COL5A1: variants seen among roughly 807,000 people sequenced by gnomAD.
COL5A1 encodes the protein collagen alpha-1(V) chain.
In COL5A1, 16 loss-of-function variants were observed where a neutral mutation model predicts 263.7. The ratio of observed to expected loss-of-function variants is 0.06; its 90% CI spans 0.04 to 0.09. COL5A1 has a LOEUF of 0.09. Ranked by LOEUF, COL5A1 falls within the 10% of genes least tolerant of loss-of-function variation. The probability of loss-of-function intolerance (pLI) is 1.00; values close to 1 mark genes in which losing one functional copy is unlikely to be tolerated. For missense variants in COL5A1, 2,036 were observed against 2,540.5 expected, an observed-to-expected ratio of 0.80 and a Z score of 4.27; for synonymous variants, 1,012 against 1,004.5, an observed-to-expected ratio of 1.01 and a Z score of -0.14.
At chr9:134,816,849 G>A (rs781607492) in intron 52 of COL5A1, among the ~76,000 whole-genome samples, 177 bp from the exon 53 acceptor site, 15 of 152,214 alleles carry the variant, frequency 9.9e-5, no homozygotes, top group Non-Finnish European at 1.6e-4. Context: ...GGTTCCTTAC[G>A]CTGTCACAGC....
chr9:134,811,014 G>A (rs1564474605), intron 44 of COL5A1, among the ~76,000 whole-genome samples: 1 of 152,206 alleles, frequency 6.6e-6, no homozygotes, highest in Non-Finnish European at 1.5e-5. Flanking sequence ...AGGAGCTTGT[G>A]ATCCTGGACC....
chr9:134,677,485 A>G lies in COL5A1; in HGVS notation c.110-13427A>G, dbSNP rs1588427807. ...CCAGTGCATCCAGTAGAGAGAGGCC[A>G]TGTGCAAATGCTCAGGTTCGTGGAG... On this transcript the variant is annotated intron_variant, in intron 1 of 65. Transcript: ENST00000371817. This position sits in a 1 kb window ranked among gnomAD's most constrained non-coding sequence, Gnocchi z 4.4. 6.6e-6 allele frequency among the ~76,000 whole-genome samples: 1 copy of G among 152,316 alleles called. No individual in the cohort carries two copies. Among genetic ancestry groups the G allele is most frequent in the South Asian group, 2.1e-4 (1 of 4,826 alleles).
chr9:134,819,911 C>T (rs747254123), intron 57 of COL5A1, among the ~76,000 whole-genome samples: 16 of 152,060 alleles, frequency 1.1e-4, no homozygotes, highest in Admixed American at 5.2e-4. Context: ...TGTTTTTAGA[C>T]GTGACTGTGG....
chr9:134,730,379 C>T lies in COL5A1; in HGVS notation c.1068C>T (p.Thr356=). The T allele has an allele frequency of 6.2e-7, 1 of 1,614,236 alleles. No individual in the cohort carries two copies. ...CGCCCTCACCGTATGATGACCTCAC[C>T]TATGGCGAGGGGGAGGAGAACCCCG... ...YYTPSPYDDL[T]YGEGEENPDQ... is the part of the protein sequence containing the mutation. The change falls in exon 7 of 66, where the codon ACC becomes ACT. Residue 356 remains threonine (T), a synonymous_variant. Transcript: ENST00000371817.
intron 65 of COL5A1, among the ~76,000 whole-genome samples, chr9:134,836,844 C>T (rs1319224315): frequency 6.6e-6 from 1 of 152,262 alleles, no homozygotes; most frequent in Non-Finnish European, 1.5e-5. Flanking sequence ...ACCAGGAGTG[C>T]TCACCTCTCC....
intron 18 of COL5A1, among the ~76,000 whole-genome samples, chr9:134,761,285 TCA>T (rs553360166): frequency 5.4e-5 from 8 of 148,180 alleles, no homozygotes; most frequent in Non-Finnish European, 8.9e-5. Flanking sequence ...ACACATGCAC[TCA>T]CACAAACACA....
At chr9:134,653,335 G>C in intron 1 of COL5A1, 2 of 152,792 alleles carry the variant, frequency 1.3e-5, no homozygotes, top group South Asian at 2.1e-4. Flanking sequence ...TTATGGGAAG[G>C]CTCAGACACA....
chr9:134,839,156 G>A (rs113081275), intron 65 of COL5A1, among the ~76,000 whole-genome samples: 33 of 152,330 alleles, frequency 2.2e-4, no homozygotes, highest in African/African-American at 7.2e-4. Context: ...TGGCTGGGGC[G>A]CCTGATTGAC....
rs1371924580 is a variant in COL5A1, at chr9:134,811,257, G to A, written c.3529-82G>A. On this transcript the variant is annotated intron_variant, in intron 44 of 65. Transcript: ENST00000371817. ...GACGACGTTGGATGCATCAGTCCCC[G>A]GGCTCAGGATGCGGTCCACCCCTCC... 1.0e-5 allele frequency: 13 copies of A among 1,293,482 alleles called. 1 individual carries two copies. The highest frequency in any genetic ancestry group is 3.6e-5 in the South Asian group (3 of 84,468). 80.1% of individuals were successfully genotyped at this position (1,293,482 alleles called of 1,614,324 possible).
Position 134,814,013 on chromosome 9 carries a change from C to A in COL5A1, c.3883C>A (p.Leu1295Ile). Residue 1295 changes from leucine (L) to isoleucine (I), a missense_variant, in exon 49 of 66, where the codon CTT (leucine) becomes ATT (isoleucine). Physicochemically the swap from Leu to Ile is conservative, Grantham distance 5 (BLOSUM62 2). Around this residue, in one of 3 missense-constraint regions of COL5A1, gnomAD observed 1,078 missense variants for 1,521.4 expected, o/e 0.71. Transcript: ENST00000371817. ...GCCTGGCGAAGCAGGTGAGCCTGGC[C>A]TTCCGGGAGAAGGCGGCCCCCCGGT... ...GEPGEAGEPG[L>I]PGEGGPPGPK... 1.3e-6 allele frequency: 2 copies of A among 1,550,956 alleles called. No homozygotes were observed. The highest frequency in any genetic ancestry group is 1.7e-6 in the Non-Finnish European group (2 of 1,147,070).
chr9:134,747,724 G>GACACATGCACACATGCAA (rs1317448495), intron 11 of COL5A1, among the ~76,000 whole-genome samples: 9 of 122,752 alleles, frequency 7.3e-5, no homozygotes, highest in Non-Finnish European at 1.2e-4. Flanking sequence ...CACACATGCA[G>GACACATGCACACATGCAA]ACACATGCAC....
chr9:134,811,732 T>A (rs1180461360), intron 46 of COL5A1, 133 bp downstream of exon 46: 8 of 758,956 alleles, frequency 1.1e-5, no homozygotes, highest in Middle Eastern at 3.6e-4. Flanking sequence ...CTGGGCCTCC[T>A]CATTCCAACT....
chr9:134,824,255 A>G (rs1253609413), intron 61 of COL5A1, among the ~76,000 whole-genome samples: 1 of 152,212 alleles, frequency 6.6e-6, no homozygotes, highest in Non-Finnish European at 1.5e-5. Flanking sequence ...CAGAGGCCAG[A>G]CTGGGGAGAC....
chr9:134,779,353 A>C (rs765685383), intron 27 of COL5A1, among the ~76,000 whole-genome samples: 3 of 152,242 alleles, frequency 2.0e-5, no homozygotes, highest in Non-Finnish European at 4.4e-5. Flanking sequence ...GTGTCAGAGA[A>C]ATAGTCCTGG....
intron 25 of COL5A1, among the ~76,000 whole-genome samples, chr9:134,770,064 C>T (rs949034383): frequency 3.3e-5 from 5 of 152,120 alleles, no homozygotes; most frequent in Admixed American, 6.6e-5. Flanking sequence ...AAAATGTGAG[C>T]GTAGGTGGAC....
In COL5A1 at chr9:134,817,083, A is replaced by G; in HGVS notation, c.4176+4A>G. On this transcript the variant is annotated splice_donor_region_variant and intron_variant, in intron 53 of 65. Coordinates refer to ENST00000371817, the MANE Select transcript of COL5A1 (RefSeq NM_000093.5). ...ATCGGGGCCTCCAGGAAAAAGGGTA[A>G]ATAATCCTGCAGGCACATCCTTGCT... 2 of 1,613,026 alleles carry G rather than the reference A, an allele frequency of 1.2e-6. No homozygotes were observed. Among genetic ancestry groups the G allele is most frequent in the Non-Finnish European group, 1.7e-6 (2 of 1,179,128 alleles).
chr9:134,650,653 A>C (rs1481444147), intron 1 of COL5A1, among the ~76,000 whole-genome samples: 7 of 152,256 alleles, frequency 4.6e-5, no homozygotes, highest in Non-Finnish European at 1.0e-4. Context: ...GGCGGTGGCC[A>C]GTCAGAGACC....
chr9:134,732,029 TTCTC>T (rs769012788), intron 8 of COL5A1, 38 bp from the exon 9 acceptor site: 3 of 1,609,366 alleles, frequency 1.9e-6, no homozygotes, highest in East Asian at 2.2e-5. Context: ...TTTCTCACTT[TTCTC>T]TCTGATTCTC....
intron 26 of COL5A1, among the ~76,000 whole-genome samples, 195 bp downstream of exon 26, chr9:134,773,029 C>T (rs1318126700): frequency 6.6e-6 from 1 of 152,204 alleles, no homozygotes; most frequent in African/African-American, 2.4e-5. Flanking sequence ...AGCGGGGCAC[C>T]CCTCTCTGGG....
Sources: allele counts gnomAD v4.1 joint callset (sites outside exome capture counted in the v4.1 genomes callset), GRCh38; gene constraint gnomAD v4.1.1; regional missense constraint gnomAD v4.1.1; non-coding constraint Gnocchi (gnomAD v3.1); transcripts MANE v1.5; gene names NCBI Gene and HGNC (gene_info 2026-07-23, HGNC 2026-07-21).